PTPN22: variants seen among roughly 807,000 people sequenced by gnomAD.
The protein encoded by PTPN22 is tyrosine-protein phosphatase non-receptor type 22.
Under a neutral mutation model 103.3 loss-of-function variants are expected in PTPN22, and 85 were observed. The observed-to-expected ratio is 0.82, with a 90% CI of 0.69 to 0.99. The LOEUF (loss-of-function observed/expected upper bound fraction) is 0.99. Ranked by LOEUF, PTPN22 falls within the 50% of genes least tolerant of loss-of-function variation. The probability of loss-of-function intolerance (pLI) is 0.00; values close to 1 mark genes in which losing one functional copy is unlikely to be tolerated. For missense variants in PTPN22, 865 were observed against 936.9 expected, an observed-to-expected ratio of 0.92 and a Z score of 1.00; for synonymous variants, 323 against 310.2, an observed-to-expected ratio of 1.04 and a Z score of -0.43.
In PTPN22 at chr1:113,850,276, A is replaced by G. The variant is rs539776969; in HGVS notation, c.829-1650T>C. Among the ~76,000 whole-genome samples, 390 of 146,602 alleles carry G rather than the reference A, an allele frequency of 2.7e-3. 1 individual carries two copies. The highest frequency in any genetic ancestry group is 3.9e-3 in the Non-Finnish European group (252 of 65,418). ...AGGAAGGAAGGAAGGAAGGAAGGAA[A>G]GAAAGGAAGAAAAAGAAAAATCAGA... is the stretch of plus-strand genomic sequence containing the variant. On this transcript the variant is annotated intron_variant, in intron 10 of 20. Coordinates refer to ENST00000359785, the Ensembl canonical transcript of PTPN22.
At chr1:113,838,852 T>C (rs1663260656) in intron 11 of PTPN22, among the ~76,000 whole-genome samples, 2 of 152,314 alleles carry the variant, frequency 1.3e-5, no homozygotes, top group South Asian at 4.1e-4. Flanking sequence ...GATTTGTGTA[T>C]ATCATCATCT....
intron 10 of PTPN22, among the ~76,000 whole-genome samples, chr1:113,851,246 A>ACT (rs1664547512): frequency 1.3e-5 from 2 of 151,384 alleles, no homozygotes; most frequent in Non-Finnish European, 1.5e-5. Context: ...TCCACCTCGC[A>ACT]GGCTCAAGCA....
intron 12 of PTPN22, 48 bp from the exon 13 acceptor site, chr1:113,838,455 C>T (rs74163652): frequency 4.0e-5 from 64 of 1,585,424 alleles, no homozygotes; most frequent in South Asian, 1.7e-4. Flanking sequence ...CCAAACAGGC[C>T]GCTTCCTAGC....
At position 113,834,371 on chromosome 1, in the gene PTPN22, C is replaced by T. The variant is rs750957425; in HGVS notation, c.1963G>A (p.Glu655Lys). The change falls in exon 15 of 21, where the codon GAA becomes AAA. Residue 655 changes from glutamate (E) to lysine (K), a missense_variant. Glu to Lys is a moderately conservative substitution (Grantham distance 56). Transcript: ENST00000359785. ...TTTGGTTCAGATGTTCCACCCCATT[C>T]CAGTGATGTTCCAATTTTTACCTTC... 3.1e-6 allele frequency: 5 copies of T among 1,613,810 alleles called. No homozygotes were observed. The South Asian group carries it at 5.5e-5, about 18-fold the overall frequency.
chr1:113,859,069 C>T, exon 3 of PTPN22: 7 of 1,613,310 alleles, frequency 4.3e-6, no homozygotes, highest in Non-Finnish European at 5.1e-6. Flanking sequence ...TTCTACCCGG[C>T]TATAATCATC....
In PTPN22 at chr1:113,852,107, A is replaced by G. The variant is rs1240615595; in HGVS notation, c.751-3T>C. On this transcript the variant is annotated splice_polypyrimidine_tract_variant and splice_region_variant and intron_variant, in intron 9 of 20. Transcript: ENST00000359785. ...ACACTGAAGTTCTCAGGAATTATCT[A>G]TCAAATTAAAGGGGAAAATATTCCT... 5.0e-6 allele frequency: 8 copies of G among 1,596,800 alleles called. No homozygotes were observed. The highest frequency in any genetic ancestry group is 6.9e-6 in the Non-Finnish European group (8 of 1,165,132).
chr1:113,853,859 CTTTTTTTTTTTTTTT>C (rs894010114), intron 9 of PTPN22, among the ~76,000 whole-genome samples: 1 of 67,152 alleles, frequency 1.5e-5, no homozygotes, highest in Admixed American at 2.2e-4. Context: ...TTTTTTTTTG[CTTTTTTTTTTTTTTT>C]TTTTTTTTTG....
chr1:113,864,680 G>T (rs1341384201), intron 1 of PTPN22, among the ~76,000 whole-genome samples: 1 of 151,510 alleles, frequency 6.6e-6, no homozygotes, highest in Non-Finnish European at 1.5e-5. Flanking sequence ...GGAGGCCAAG[G>T]TGGGCAGATC....
intron 1 of PTPN22, among the ~76,000 whole-genome samples, chr1:113,867,883 G>T (rs944208055): frequency 6.6e-6 from 1 of 152,188 alleles, no homozygotes; most frequent in African/African-American, 2.4e-5. Context: ...TGGGGGACTG[G>T]TTCCAGGACC....
intron 16 of PTPN22, among the ~76,000 whole-genome samples, chr1:113,832,455 G>C (rs1019733174): frequency 1.3e-5 from 2 of 152,190 alleles, no homozygotes; most frequent in Non-Finnish European, 2.9e-5. Context: ...TGGGATTACA[G>C]GTGTGAGCCA....
At chr1:113,837,680 G>A in exon 13 of PTPN22, 1 of 1,603,018 alleles carries the variant, frequency 6.2e-7, no homozygotes, top group South Asian at 1.1e-5. Flanking sequence ...TAAGAGAAGA[G>A]GGATGTAGAG....
intron 1 of PTPN22, among the ~76,000 whole-genome samples, chr1:113,869,552 G>A (rs556044629): frequency 7.0e-4 from 106 of 151,966 alleles, no homozygotes; most frequent in African/African-American, 2.4e-3. Context: ...CTGCCACCAC[G>A]CCCAGCTAAT....
rs1664551459 is a variant in PTPN22 at position 113,851,320 on chromosome 1, A to AT, written c.828+706dup. On this transcript the variant is annotated intron_variant, in intron 10 of 20. Coordinates refer to ENST00000359785, the Ensembl canonical transcript of PTPN22. ...AGGTGCCTGCCACCATATCCAGCTAATTTTTTTATTTTTAGTAGAGACAGG... is the reference window on the plus strand; with the variant it reads ...AGGTGCCTGCCACCATATCCAGCTAATTTTTTTTATTTTTAGTAGAGACAGG... 3.3e-5 allele frequency among the ~76,000 whole-genome samples: 5 copies of AT among 151,846 alleles called. No homozygotes were observed. In the South Asian group the frequency reaches 1.0e-3, roughly 32 times the overall value.
Position 113,833,228 on chromosome 1 carries a change from A to G in PTPN22, c.2026-90T>C, listed in dbSNP as rs1662709881. The G allele has an allele frequency of 3.3e-6, 3 of 920,662 alleles. No homozygotes were observed. The South Asian group carries it at 4.5e-5, about 14-fold the overall frequency. The allele number at this position is 920,662 out of a possible 1,614,324, so 57.0% of individuals were successfully genotyped here. ...CAAAAAATGGCATTTTTGAACTTATATGTAATATAGCTGTAGAGATAATTA... is the reference window on the plus strand; with the variant it reads ...CAAAAAATGGCATTTTTGAACTTATGTGTAATATAGCTGTAGAGATAATTA... On this transcript the variant is annotated intron_variant, in intron 15 of 20. Transcript: ENST00000359785.
chr1:113,847,487 G>A (rs891779649), intron 11 of PTPN22, among the ~76,000 whole-genome samples: 1 of 144,690 alleles, frequency 6.9e-6, no homozygotes, highest in Admixed American at 6.9e-5. Flanking sequence ...GATCTTCCTG[G>A]TTCTTGGTAT....
At position 113,866,611 on chromosome 1, in the gene PTPN22, T is replaced by G. The variant is rs374022589; in HGVS notation, c.87+4926A>C. Among the ~76,000 whole-genome samples the G allele has an allele frequency of 2.6e-5, 4 of 152,158 alleles. No homozygotes were observed. In the East Asian group the frequency reaches 7.7e-4, roughly 29 times the overall value. On this transcript the variant is annotated intron_variant, in intron 1 of 20. Transcript: ENST00000359785. ...CAACTATTAAAAATCATATACATTTTAATCAGCCTGATAATTTTGGTATAA... is the reference window on the plus strand; with the variant it reads ...CAACTATTAAAAATCATATACATTTGAATCAGCCTGATAATTTTGGTATAA...
At chr1:113,870,534 G>A (rs1425347365) in intron 1 of PTPN22, among the ~76,000 whole-genome samples, 1 of 152,128 alleles carries the variant, frequency 6.6e-6, no homozygotes, top group Non-Finnish European at 1.5e-5. Context: ...TTCTCTCAAA[G>A]GAGATTCACT....
At chr1:113,842,379 C>CA (rs1458285841) in intron 11 of PTPN22, among the ~76,000 whole-genome samples, 3 of 151,912 alleles carry the variant, frequency 2.0e-5, no homozygotes, top group East Asian at 3.9e-4. Context: ...TGGCTGCCAT[C>CA]AAAAAAACAA....
At position 113,825,157 on chromosome 1, in the gene PTPN22, G is replaced by A. The variant is rs767658272; in HGVS notation, c.2266C>T (p.Arg756Ter). 1.1e-5 allele frequency: 16 copies of A among 1,501,572 alleles called. No individual in the cohort carries two copies. The highest frequency in any genetic ancestry group is 1.3e-5 in the Non-Finnish European group (14 of 1,098,676). The allele number at this position is 1,501,572 out of a possible 1,614,324, so 93.0% of individuals were successfully genotyped here. The change falls in exon 19 of 21, where the codon CGA becomes TGA. Residue 756 changes from arginine to a stop codon, truncating the protein, a stop_gained. Coordinates refer to ENST00000359785, the Ensembl canonical transcript of PTPN22. LOFTEE classifies it high-confidence loss of function. ...ACCAACTTACTCTTTTTCATGTTTC[G>A]CAAAATTTTCAAACTCTACAAAAGA... is the stretch of plus-strand genomic sequence containing the variant.
Sources: gnomAD v4.1 joint callset for allele counts (sites outside exome capture counted in the v4.1 genomes callset) on GRCh38, gnomAD v4.1.1 for gene constraint, MANE v1.5 for transcripts, NCBI Gene and HGNC (gene_info 2026-07-23, HGNC 2026-07-21) for gene names.